The following NCKAP5 variants were observed in gnomAD, a reference collection of about 807,000 sequenced individuals.
NCKAP5 encodes NCK associated protein 5.
In NCKAP5, 92 loss-of-function variants were observed where a neutral mutation model predicts 167.0. That is an observed-to-expected ratio of 0.55 (90% CI 0.47 to 0.66). The LOEUF (loss-of-function observed/expected upper bound fraction) is 0.66, where lower values mean the gene tolerates loss of function less well. NCKAP5 is among the 30% of genes least tolerant of loss of function. The pLI, the probability that NCKAP5 is intolerant of heterozygous loss-of-function variation, is 0.00. For synonymous variants in NCKAP5, 891 were observed against 877.4 expected, an observed-to-expected ratio of 1.02 and a Z score of -0.27; for missense variants, 2,378 against 2,315.0, an observed-to-expected ratio of 1.03 and a Z score of -0.56.
chr2:132,936,584 G>A (rs1028639514), intron 8 of NCKAP5, among the ~76,000 whole-genome samples: 1 of 152,126 alleles, frequency 6.6e-6, no homozygotes, highest in Admixed American at 6.5e-5. Flanking sequence ...GCACTACACA[G>A]TTGAAAACTA....
At chr2:132,838,208 C>A (rs796612171) in intron 11 of NCKAP5, among the ~76,000 whole-genome samples, 7 of 152,236 alleles carry the variant, frequency 4.6e-5, no homozygotes, top group African/African-American at 1.4e-4. Context: ...CCAGTGGAAC[C>A]CCTCATGGGT....
rs759705796 is a variant in NCKAP5 at position 132,782,990 on chromosome 2, C to T, written c.3821G>A (p.Arg1274His). Residue 1274 changes from arginine (R) to histidine (H), a missense_variant, in exon 14 of 20, where the codon CGC becomes CAC. By Grantham distance (29) the Arg-to-His change is conservative. Transcript: ENST00000409261. ...TGAGTGTGTACTGAAGCTGTGGCTGCGGGCTTTGGCGCCATTCATACCCAG... is the reference window on the plus strand; with the variant it reads ...TGAGTGTGTACTGAAGCTGTGGCTGTGGGCTTTGGCGCCATTCATACCCAG... ...PALGMNGAKA[R>H]SHSFSTHSGD... 57 of 1,613,692 alleles carry T rather than the reference C, an allele frequency of 3.5e-5. No individual in the cohort carries two copies. The highest frequency in any genetic ancestry group is 1.6e-4 in the Middle Eastern group (1 of 6,084).
At chr2:132,847,733 T>C (rs1383263566) in intron 11 of NCKAP5, among the ~76,000 whole-genome samples, 2 of 152,216 alleles carry the variant, frequency 1.3e-5, no homozygotes, top group East Asian at 1.9e-4. Context: ...GAACTCCTGA[T>C]ACAAGCAGCT....
chr2:133,543,900 C>A (rs1686435728), intron 2 of NCKAP5, among the ~76,000 whole-genome samples: 1 of 152,236 alleles, frequency 6.6e-6, no homozygotes, highest in Admixed American at 6.5e-5. Context: ...GTCTTTCCCA[C>A]TAGATTGGTT....
intron 5 of NCKAP5, among the ~76,000 whole-genome samples, chr2:133,179,069 G>C (rs1446553062): frequency 1.3e-5 from 2 of 152,118 alleles, no homozygotes; most frequent in Non-Finnish European, 2.9e-5. Context: ...TCAGGAGGCT[G>C]AGGTGGGAGG....
chr2:132,693,477 C>T (rs1686992253), intron 19 of NCKAP5, among the ~76,000 whole-genome samples: 1 of 151,990 alleles, frequency 6.6e-6, no homozygotes, highest in African/African-American at 2.4e-5. Flanking sequence ...AAGATGAGAG[C>T]TGTGCGGCTG....
intron 11 of NCKAP5, among the ~76,000 whole-genome samples, chr2:132,859,065 C>G (rs537675026): frequency 6.6e-6 from 1 of 152,028 alleles, no homozygotes; most frequent in African/African-American, 2.4e-5. Context: ...TCCCCTATGA[C>G]AAATATTTAC....
intron 16 of NCKAP5, among the ~76,000 whole-genome samples, chr2:132,754,247 T>A (rs1206511137): frequency 2.0e-5 from 3 of 152,196 alleles, no homozygotes; most frequent in African/African-American, 7.2e-5. Flanking sequence ...TATCGATCTT[T>A]CCTGTACTTG....
At chr2:133,097,247 A>T (rs1430922030) in intron 6 of NCKAP5, among the ~76,000 whole-genome samples, 1 of 152,160 alleles carries the variant, frequency 6.6e-6, no homozygotes, top group Non-Finnish European at 1.5e-5. Context: ...TCACCCCATA[A>T]GCCCTAGTCA....
chr2:133,334,893 C>T (rs978596521), intron 3 of NCKAP5, among the ~76,000 whole-genome samples: 10 of 152,076 alleles, frequency 6.6e-5, no homozygotes, highest in Non-Finnish European at 1.5e-4. Flanking sequence ...AGGTTTGCTC[C>T]TTTACAGCAT....
intron 3 of NCKAP5, among the ~76,000 whole-genome samples, chr2:133,317,034 C>A (rs986129938): frequency 4.6e-5 from 7 of 152,126 alleles, no homozygotes; most frequent in African/African-American, 1.2e-4. Flanking sequence ...AGACCATAGG[C>A]ATTTATTTCC....
At chr2:132,929,179 C>T (rs557748881) in intron 8 of NCKAP5, among the ~76,000 whole-genome samples, 45 of 152,090 alleles carry the variant, frequency 3.0e-4, no homozygotes, top group Middle Eastern at 3.4e-3. Flanking sequence ...TCTGCCAGCA[C>T]GTTGATTTTG....
At position 132,696,781 on chromosome 2, in the gene NCKAP5, T is replaced by C. The variant is rs367783181; in HGVS notation, c.5714-23476A>G. ...CAGTTTACATCTTTTTAAATGACCATGGTAACCATCCATAAGTGAGGACAC... is the reference window on the plus strand; with the variant it reads ...CAGTTTACATCTTTTTAAATGACCACGGTAACCATCCATAAGTGAGGACAC... On this transcript the variant is annotated intron_variant, in intron 19 of 19. Coordinates refer to ENST00000409261, the MANE Select transcript of NCKAP5 (RefSeq NM_207363.3). 1.6e-4 allele frequency among the ~76,000 whole-genome samples: 24 copies of C among 152,290 alleles called. 1 individual carries two copies. In the East Asian group the frequency reaches 4.5e-3, roughly 28 times the overall value.
intron 7 of NCKAP5, among the ~76,000 whole-genome samples, chr2:132,969,718 T>C (rs1326317757): frequency 6.6e-6 from 1 of 152,110 alleles, no homozygotes; most frequent in East Asian, 1.9e-4. Context: ...GGGGTGCAGG[T>C]ACTGCTGATG....
intron 3 of NCKAP5, among the ~76,000 whole-genome samples, chr2:133,324,209 C>A (rs1259918069): frequency 6.6e-6 from 1 of 152,198 alleles, no homozygotes; most frequent in African/African-American, 2.4e-5. Flanking sequence ...GCCTGCTGTG[C>A]AAACAGATGC....
At chr2:133,536,650 T>C (rs748382400) in intron 2 of NCKAP5, among the ~76,000 whole-genome samples, 6 of 152,068 alleles carry the variant, frequency 3.9e-5, no homozygotes, top group Non-Finnish European at 7.4e-5. Context: ...CCATTTTAAT[T>C]GGGTGATTTG....
intron 3 of NCKAP5, among the ~76,000 whole-genome samples, chr2:133,418,902 G>A (rs1395981412): frequency 6.6e-6 from 1 of 152,130 alleles, no homozygotes; most frequent in African/African-American, 2.4e-5. Flanking sequence ...GGTTCAGACC[G>A]AGGGCATATT....
chr2:133,386,044 T>C (rs1346574416), intron 3 of NCKAP5, among the ~76,000 whole-genome samples: 1 of 152,214 alleles, frequency 6.6e-6, no homozygotes, highest in Admixed American at 6.5e-5. Context: ...TGTCTCTATT[T>C]CCTTCAGTTC....
intron 3 of NCKAP5, among the ~76,000 whole-genome samples, chr2:133,354,728 A>G (rs1183481903): frequency 1.3e-5 from 2 of 152,244 alleles, no homozygotes; most frequent in Non-Finnish European, 2.9e-5. Context: ...GCACAGGACT[A>G]TAAATAACTT....
Sources: gnomAD v4.1 joint callset for allele counts (sites outside exome capture counted in the v4.1 genomes callset) on GRCh38, gnomAD v4.1.1 for gene constraint, MANE v1.5 for transcripts, NCBI Gene and HGNC (gene_info 2026-07-23, HGNC 2026-07-21) for gene names.